Variants in CCDC57 observed in about 807,000 individuals in gnomAD.
The protein encoded by CCDC57 is coiled-coil domain-containing protein 57.
Under a neutral mutation model 118.9 loss-of-function variants are expected in CCDC57, and 118 were observed. The observed-to-expected ratio is 0.99, with a 90% CI of 0.86 to 1.16. The LOEUF is 1.16. Ranked by LOEUF, CCDC57 falls within the 50% of genes most tolerant of loss-of-function variation. CCDC57 has a pLI of 0.00. For missense variants in CCDC57, 1,300 were observed against 1,320.7 expected, an observed-to-expected ratio of 0.98 and a Z score of 0.24; for synonymous variants, 527 against 532.9, an observed-to-expected ratio of 0.99 and a Z score of 0.15.
chr17:82,157,881 T>C, exon 15 of CCDC57: 2 of 1,578,178 alleles, frequency 1.3e-6, no homozygotes, highest in Non-Finnish European at 1.7e-6. Context: ...AACCTCCAGG[T>C]GTACCTGGTC....
intron 13 of CCDC57, among the ~76,000 whole-genome samples, chr17:82,163,876 T>C (rs2043648982): frequency 6.6e-6 from 1 of 152,144 alleles, no homozygotes; most frequent in Admixed American, 6.6e-5. Context: ...TAAACATTCA[T>C]CTCAAGAAAT....
intron 13 of CCDC57, among the ~76,000 whole-genome samples, chr17:82,167,543 G>GT (rs1374346506): frequency 6.6e-6 from 1 of 151,968 alleles, no homozygotes; most frequent in East Asian, 1.9e-4. Context: ...TAGAAATGGG[G>GT]TTTCTCCACT....
At chr17:82,135,074 T>C (rs924898353) in intron 16 of CCDC57, 1 of 151,926 alleles carries the variant, frequency 6.6e-6, no homozygotes, top group Non-Finnish European at 1.5e-5. Flanking sequence ...TTTATAACTG[T>C]TGACATTTCA....
At chr17:82,127,479 T>G in intron 19 of CCDC57, 3 of 985,442 alleles carry the variant, frequency 3.0e-6, no homozygotes, top group Non-Finnish European at 3.6e-6. Flanking sequence ...GGAAATGGCA[T>G]GGTTTCTGCC....
rs2044005964 is a variant in CCDC57 at position 82,166,515 on chromosome 17, T to TA, written c.1883-3159dup. Among the ~76,000 whole-genome samples the TA allele has an allele frequency of 5.4e-5, 8 of 149,508 alleles. No homozygotes were observed. In the South Asian group the frequency reaches 1.3e-3, roughly 24 times the overall value. The stretch of plus-strand genomic sequence containing the variant: ...GGGTGACAGATCGAGACCCTGTCTC[T>TA]AAAAAAAACAAACAAATACACAAAC... On this transcript the variant is annotated intron_variant, in intron 13 of 19. Coordinates refer to ENST00000665763, the Ensembl canonical transcript of CCDC57.
intron 11 of CCDC57, among the ~76,000 whole-genome samples, chr17:82,177,573 T>C (rs916019538): frequency 3.9e-5 from 6 of 151,954 alleles, no homozygotes; most frequent in Admixed American, 1.3e-4. Flanking sequence ...AAGTAAAAAC[T>C]ACATGAATGA....
chr17:82,102,800 G>A (rs552360152), intron 19 of CCDC57, among the ~76,000 whole-genome samples: 26 of 151,938 alleles, frequency 1.7e-4, no homozygotes, highest in African/African-American at 5.6e-4. Flanking sequence ...CAGCGGAGTC[G>A]CTTGAACCCG....
rs900563170 is a variant in CCDC57 at position 82,113,296 on chromosome 17, A to G, written c.2900-11430T>C. 3.3e-5 allele frequency: 22 copies of G among 662,246 alleles called. No homozygotes were observed. The Admixed American group carries it at 4.9e-4, about 15-fold the overall frequency. 41.0% of individuals were successfully genotyped at this position (662,246 alleles called of 1,614,324 possible). A position where few individuals can be genotyped will look rare whatever the true frequency, so the allele number is the denominator to read the frequency against. ...TCTTGGCCAGAGCACTGGTTCTTGGATTCCTGTAGCTTCAGTGACAAGGTG... is the reference window on the plus strand; with the variant it reads ...TCTTGGCCAGAGCACTGGTTCTTGGGTTCCTGTAGCTTCAGTGACAAGGTG... On this transcript the variant is annotated intron_variant, in intron 19 of 19. Coordinates refer to ENST00000665763, the Ensembl canonical transcript of CCDC57.
At chr17:82,122,577 GCCT>G (rs1278633228) in intron 19 of CCDC57, among the ~76,000 whole-genome samples, 148 of 152,344 alleles carry the variant, frequency 9.7e-4, no homozygotes, top group African/African-American at 3.5e-3. Context: ...CTGCCCAGCT[GCCT>G]GCTATGTGGA....
chr17:82,195,952 A>G (rs1434745558), intron 4 of CCDC57, among the ~76,000 whole-genome samples: 1 of 152,240 alleles, frequency 6.6e-6, no homozygotes, highest in Non-Finnish European at 1.5e-5. Flanking sequence ...AGACAAGGAT[A>G]CTATCTGAAC....
At chr17:82,206,644 A>G (rs2049686779) in intron 2 of CCDC57, among the ~76,000 whole-genome samples, 1 of 152,074 alleles carries the variant, frequency 6.6e-6, no homozygotes. Flanking sequence ...TACCCTTTAT[A>G]ATAAACTGTT....
chr17:82,196,017 T>G (rs574327918), intron 4 of CCDC57, among the ~76,000 whole-genome samples: 31 of 152,366 alleles, frequency 2.0e-4, no homozygotes, highest in Admixed American at 2.0e-3. Flanking sequence ...GAACGAGCCC[T>G]GCTGAGTCTG....
At chr17:82,162,512 T>C (rs551273634) in intron 14 of CCDC57, among the ~76,000 whole-genome samples, 2 of 152,316 alleles carry the variant, frequency 1.3e-5, no homozygotes, top group Admixed American at 1.3e-4. Flanking sequence ...GTATCTCAGA[T>C]GAAGTGTGGC....
chr17:82,149,644 C>T (rs564665275), intron 16 of CCDC57, among the ~76,000 whole-genome samples: 11 of 152,198 alleles, frequency 7.2e-5, no homozygotes, highest in African/African-American at 2.2e-4. Context: ...GACCAGGCCC[C>T]GCTCACAAGA....
intron 9 of CCDC57, among the ~76,000 whole-genome samples, chr17:82,180,796 C>A (rs1363036073): frequency 6.6e-6 from 1 of 152,210 alleles, no homozygotes; most frequent in Non-Finnish European, 1.5e-5. Flanking sequence ...TTTTTAAATC[C>A]CTGTAACTGC....
At chr17:82,201,544 A>T in exon 3 of CCDC57, 1 of 1,601,704 alleles carries the variant, frequency 6.2e-7, no homozygotes, top group Non-Finnish European at 8.5e-7. Context: ...TCACCTGTGG[A>T]CGCGCTCCAG....
intron 19 of CCDC57, chr17:82,107,675 T>TC: frequency 2.2e-6 from 1 of 455,908 alleles, no homozygotes. Context: ...CCCCCTGCTG[T>TC]CCAACAGCTG....
intron 1 of CCDC57, among the ~76,000 whole-genome samples, chr17:82,211,006 A>G (rs551272693): frequency 2.7e-3 from 167 of 62,494 alleles, no homozygotes; most frequent in East Asian, 1.0e-2. Context: ...AAAAAAAAAA[A>G]AAAGAAAAAA....
chr17:82,211,432 G>A (rs769208210), intron 1 of CCDC57, among the ~76,000 whole-genome samples: 13 of 152,292 alleles, frequency 8.5e-5, no homozygotes, highest in Non-Finnish European at 1.2e-4. Flanking sequence ...GAACGCCAGC[G>A]TCTACATGTT....
Sources: gnomAD v4.1 joint callset for allele counts (sites outside exome capture counted in the v4.1 genomes callset) on GRCh38, gnomAD v4.1.1 for gene constraint, MANE v1.5 for transcripts, NCBI Gene and HGNC (gene_info 2026-07-23, HGNC 2026-07-21) for gene names.